The following AXIN1 variants were observed in gnomAD, a reference collection of about 807,000 sequenced individuals.
The protein encoded by AXIN1 is axin 1, also known as axin-1.
A neutral mutation model predicts 76.4 loss-of-function variants in AXIN1; 30 were observed. The ratio of observed to expected loss-of-function variants is 0.39; its 90% CI spans 0.29 to 0.53. The LOEUF (loss-of-function observed/expected upper bound fraction) is 0.53, where lower values mean the gene tolerates loss of function less well. AXIN1 is among the 20% of genes least tolerant of loss of function. The pLI, the probability that AXIN1 is intolerant of heterozygous loss-of-function variation, is 0.66. For missense variants in AXIN1, 1,140 were observed against 1,198.8 expected (o/e 0.95, Z 0.72); for synonymous variants, 545 against 501.4 (o/e 1.09, Z -1.16).
At chr16:328,024 T>C (rs1324829813) in intron 2 of AXIN1, among the ~76,000 whole-genome samples, 2 of 152,020 alleles carry the variant, frequency 1.3e-5, no homozygotes, top group Admixed American at 6.5e-5. Flanking sequence ...TGAGGCAGAA[T>C]GCCTTAAAGC....
chr16:346,991 A>C lies in AXIN1; in HGVS notation c.35T>G (p.Leu12Arg). 6.2e-7 allele frequency: 1 copy of C among 1,614,206 alleles called. No homozygotes were observed. The highest frequency in any genetic ancestry group is 1.3e-5 in the African/African-American group (1 of 75,064). Residue 12 changes from leucine to arginine, a missense_variant, in exon 2 of 11, where the codon CTC (leucine) becomes CGC (arginine). Transcript: ENST00000262320. ...AGCATCTTCGGTGAAACTTGCTCCG[A>C]GGTCCAAGGGGAAACCCTGCTCTTG... ...NIQEQGFPLD[L>R]GASFTEDAPR...
intron 5 of AXIN1, among the ~76,000 whole-genome samples, chr16:298,462 G>A (rs553471676): frequency 6.6e-6 from 1 of 152,372 alleles, no homozygotes; most frequent in African/African-American, 2.4e-5. Flanking sequence ...CTCAAGGAAT[G>A]CAGCGTATGT....
At chr16:331,192 A>G (rs140650554) in intron 2 of AXIN1, among the ~76,000 whole-genome samples, 335 of 152,358 alleles carry the variant, frequency 2.2e-3, no homozygotes, top group African/African-American at 7.8e-3. Flanking sequence ...TCTTATTAAA[A>G]ATTAAAACAC....
At position 288,002 on chromosome 16, in the gene AXIN1, A is replaced by T; in HGVS notation, c.*120T>A. On this transcript the variant is annotated 3_prime_UTR_variant, in exon 11 of 11. Transcript: ENST00000262320. ...CTCTAGACACGGGTAGACCACAGGGATGGGTGGTACACCCAACACTGTTCC... is the reference window on the plus strand; with the variant it reads ...CTCTAGACACGGGTAGACCACAGGGTTGGGTGGTACACCCAACACTGTTCC... 6.6e-7 allele frequency: 1 copy of T among 1,509,578 alleles called. No individual in the cohort carries two copies. Among genetic ancestry groups the T allele is most frequent in the Non-Finnish European group, 9.1e-7 (1 of 1,098,252 alleles). 93.5% of individuals were successfully genotyped at this position (1,509,578 alleles called of 1,614,324 possible). A position where few individuals can be genotyped will look rare whatever the true frequency, so the allele number is the denominator to read the frequency against.
In AXIN1 at chr16:293,449, A is replaced by G. The variant is rs569298925; in HGVS notation, c.2186+39T>C. 113 of 1,586,480 alleles carry G rather than the reference A, an allele frequency of 7.1e-5. 1 individual carries two copies. In the Middle Eastern group the frequency reaches 3.9e-3, roughly 54 times the overall value. On this transcript the variant is annotated intron_variant, in intron 8 of 10. Coordinates refer to ENST00000262320, the MANE Select transcript of AXIN1 (RefSeq NM_003502.4). This position sits in a 1 kb window ranked among gnomAD's most constrained non-coding sequence, Gnocchi z 4.6. Reference sequence around the variant, plus strand: ...TCAGCCCCAGGAGTGGTGCTGTGGTAACCCCCAAGACCCACCCCACCCCAC... The same window carrying G: ...TCAGCCCCAGGAGTGGTGCTGTGGTGACCCCCAAGACCCACCCCACCCCAC...
chr16:320,803 G>A (rs1292134149), intron 2 of AXIN1, among the ~76,000 whole-genome samples: 10 of 62,548 alleles, frequency 1.6e-4, no homozygotes, highest in African/African-American at 6.3e-4. Flanking sequence ...GCAGTGGCGC[G>A]ATCTCGGCTC....
intron 1 of AXIN1, 142 bp downstream of exon 1, chr16:352,227 C>T: frequency 2.3e-6 from 1 of 437,440 alleles, no homozygotes; most frequent in Non-Finnish European, 3.0e-6. Flanking sequence ...TCCCGCTGCC[C>T]AGGGACACCC....
intron 3 of AXIN1, among the ~76,000 whole-genome samples, chr16:312,279 T>TA (rs1205711296): frequency 2.0e-5 from 3 of 152,218 alleles, no homozygotes; most frequent in African/African-American, 7.2e-5. Context: ...GTCCACTTTT[T>TA]ACCTCTGATT....
rs776822107 is a variant in AXIN1 at position 293,643 on chromosome 16, A to G, written c.2031T>C (p.Pro677=). ...AGGGCTGCACGGAGGTCCGGAGCTG[A>G]GGGCCGGCCCAGGGGTGCTCAAGGG... ...PLSLEHPWAG[P]QLRTSVQPSH... The change falls in exon 8 of 11, where the codon CCT becomes CCC. Residue 677 remains proline (P), a synonymous_variant. Transcript: ENST00000262320. This position sits in a 1 kb window ranked among gnomAD's most constrained non-coding sequence, Gnocchi z 4.6. The G allele has an allele frequency of 2.4e-5, 38 of 1,613,398 alleles. No individual in the cohort carries two copies. Among genetic ancestry groups the G allele is most frequent in the Non-Finnish European group, 3.1e-5 (36 of 1,179,974 alleles).
At chr16:308,394 C>T (rs1179393612) in intron 4 of AXIN1, among the ~76,000 whole-genome samples, 1 of 152,240 alleles carries the variant, frequency 6.6e-6, no homozygotes, top group Non-Finnish European at 1.5e-5. Context: ...CTGCCTGATG[C>T]CCCCTCATCC....
chr16:302,622 G>A (rs2052903785), intron 5 of AXIN1, among the ~76,000 whole-genome samples: 1 of 152,168 alleles, frequency 6.6e-6, no homozygotes. Flanking sequence ...CCACCCTCAC[G>A]GTGGCATCTC....
rs2141458400 is a variant in AXIN1 at position 288,075 on chromosome 16, T to C, written c.*47A>G. On this transcript the variant is annotated 3_prime_UTR_variant, in exon 11 of 11. Transcript: ENST00000262320. ...GTCATCTGCCTGGCCGTGACACCCG[T>C]GCCCGCCAAGGGCCTCGCCTGGCAC... The C allele has an allele frequency of 6.2e-7, 1 of 1,612,196 alleles. No homozygotes were observed. Among genetic ancestry groups the C allele is most frequent in the Middle Eastern group, 1.6e-4 (1 of 6,062 alleles).
At chr16:340,764 G>C (rs2053900312) in intron 2 of AXIN1, among the ~76,000 whole-genome samples, 1 of 152,224 alleles carries the variant, frequency 6.6e-6, no homozygotes, top group Non-Finnish European at 1.5e-5. Flanking sequence ...AATGACAGTG[G>C]GTGAGTGGGA....
In AXIN1 at chr16:324,862, A is replaced by C. The variant is rs573706360; in HGVS notation, c.879-10179T>G. On this transcript the variant is annotated intron_variant, in intron 2 of 10. Coordinates refer to ENST00000262320, the MANE Select transcript of AXIN1 (RefSeq NM_003502.4). ...CAGGCCCAGCCCCCGAGTCCCGCGC[A>C]GGGAAAGGCTCTGCCCAAGCCTTCA... Among the ~76,000 whole-genome samples the C allele has an allele frequency of 7.8e-4, 119 of 152,292 alleles. 1 individual carries two copies. Among genetic ancestry groups the C allele is most frequent in the South Asian group, 1.5e-3 (7 of 4,822 alleles).
intron 2 of AXIN1, among the ~76,000 whole-genome samples, chr16:332,547 G>A (rs2053714940): frequency 6.6e-6 from 1 of 151,252 alleles, no homozygotes; most frequent in South Asian, 2.1e-4. Context: ...CTGCACTCCA[G>A]GCTGGGCGAA....
intron 3 of AXIN1, among the ~76,000 whole-genome samples, chr16:313,352 C>T (rs1393373605): frequency 6.6e-6 from 1 of 152,234 alleles, no homozygotes; most frequent in Non-Finnish European, 1.5e-5. Flanking sequence ...TCACTTAAAA[C>T]ATATTCATAA....
intron 5 of AXIN1, among the ~76,000 whole-genome samples, chr16:302,072 C>T (rs2052888067): frequency 1.3e-5 from 2 of 152,242 alleles, no homozygotes. Context: ...CTCAGGTGCG[C>T]ACAGCCAGCC....
chr16:342,485 G>A (rs11644631), intron 2 of AXIN1, among the ~76,000 whole-genome samples: 33,389 of 152,076 alleles, frequency 0.22, 4,307 homozygotes, highest in South Asian at 0.38. Context: ...CTCACCAGCC[G>A]CCTGTTCAGT....
At chr16:322,490 GC>G (rs1168145340) in intron 2 of AXIN1, among the ~76,000 whole-genome samples, 1 of 152,202 alleles carries the variant, frequency 6.6e-6, no homozygotes, top group African/African-American at 2.4e-5. Flanking sequence ...AGTTAGCATG[GC>G]AGGTGCTGGT....
Sources: gnomAD v4.1 joint callset for allele counts (sites outside exome capture counted in the v4.1 genomes callset) on GRCh38, gnomAD v4.1.1 for gene constraint, Gnocchi (gnomAD v3.1) non-coding constraint, MANE v1.5 for transcripts, NCBI Gene and HGNC (gene_info 2026-07-23, HGNC 2026-07-21) for gene names.